Variants in SLC13A1 observed in about 807,000 individuals in gnomAD.
SLC13A1 encodes the protein solute carrier family 13 member 1.
In SLC13A1, 65 loss-of-function variants were observed where a neutral mutation model predicts 70.0. That is an observed-to-expected ratio of 0.93 (90% confidence interval 0.76 to 1.14). The LOEUF (loss-of-function observed/expected upper bound fraction) is 1.14. Among genes scored for constraint, SLC13A1 ranks in the 50% most tolerant of loss-of-function variants. SLC13A1 has a pLI of 0.00. For synonymous variants in SLC13A1, 275 were observed against 250.5 expected (o/e 1.10, Z -0.92); for missense variants, 726 against 717.8 (o/e 1.01, Z -0.13).
chr7:123,134,847 G>T (rs1793899165), intron 7 of SLC13A1, among the ~76,000 whole-genome samples: 1 of 152,262 alleles, frequency 6.6e-6, no homozygotes. Context: ...AAATGCACAA[G>T]AAATGGGTGT....
At chr7:123,123,098 G>T in intron 12 of SLC13A1, 28 bp downstream of exon 12, 1 of 1,458,420 alleles carries the variant, frequency 6.9e-7, no homozygotes, top group Non-Finnish European at 9.6e-7. Context: ...CTGGTTAATT[G>T]TTAAATATCT....
At chr7:123,142,133 T>A (rs1794176327) in intron 7 of SLC13A1, among the ~76,000 whole-genome samples, 1 of 152,138 alleles carries the variant, frequency 6.6e-6, no homozygotes, top group African/African-American at 2.4e-5. Flanking sequence ...GTACTGTGGC[T>A]CAGCTAGCAC....
At chr7:123,178,017 T>TTCTCTCTCTCTC (rs146835273) in intron 2 of SLC13A1, among the ~76,000 whole-genome samples, 103 of 149,028 alleles carry the variant, frequency 6.9e-4, no homozygotes, top group East Asian at 3.6e-3. Flanking sequence ...ATCTCTCTCT[T>TTCTCTCTCTCTC]TCTCTCTCTC....
chr7:123,121,639 T>C (rs539850070), intron 12 of SLC13A1, among the ~76,000 whole-genome samples: 4 of 152,112 alleles, frequency 2.6e-5, no homozygotes, highest in Non-Finnish European at 5.9e-5. Context: ...AGATATTCAC[T>C]GATAAGAATT....
At chr7:123,184,929 A>T (rs955518902) in intron 1 of SLC13A1, among the ~76,000 whole-genome samples, 1 of 152,024 alleles carries the variant, frequency 6.6e-6, no homozygotes, top group Admixed American at 6.6e-5. Context: ...ACTAAGTTAC[A>T]TTTCTGCAAA....
chr7:123,168,602 G>T, intron 4 of SLC13A1, 41 bp from the exon 5 acceptor site: 2 of 1,467,334 alleles, frequency 1.4e-6, no homozygotes, highest in Non-Finnish European at 9.5e-7. Context: ...TTAAATAAGG[G>T]ATTATCATTG....
intron 1 of SLC13A1, among the ~76,000 whole-genome samples, chr7:123,193,312 T>A (rs1248250913): frequency 2.0e-5 from 3 of 149,428 alleles, no homozygotes; most frequent in Non-Finnish European, 3.0e-5. Context: ...ATTTTATAAA[T>A]AAAAAAAAAA....
At chr7:123,162,231 T>G (rs183588573) in intron 6 of SLC13A1, among the ~76,000 whole-genome samples, 1 of 152,256 alleles carries the variant, frequency 6.6e-6, no homozygotes, top group East Asian at 1.9e-4. Context: ...AAGAACTAGA[T>G]TTTTGTATTT....
At chr7:123,174,929 T>C (rs944209440) in intron 2 of SLC13A1, among the ~76,000 whole-genome samples, 1 of 151,994 alleles carries the variant, frequency 6.6e-6, no homozygotes, top group South Asian at 2.1e-4. Context: ...AGATGTCAGT[T>C]CTTCTAAGAT....
rs1294757924 is a variant in SLC13A1, at chr7:123,129,372, GTT to G, written c.1031+9_1031+10del. The G allele has an allele frequency of 2.5e-6, 3 of 1,217,048 alleles. No individual in the cohort carries two copies. The highest frequency in any genetic ancestry group is 3.5e-6 in the Non-Finnish European group (3 of 869,024). The allele number at this position is 1,217,048 out of a possible 1,614,324, so 75.4% of individuals were successfully genotyped here. On this transcript the variant is annotated intron_variant, in intron 9 of 14. Coordinates refer to ENST00000194130, the MANE Select transcript of SLC13A1 (RefSeq NM_022444.4). The stretch of plus-strand genomic sequence containing the variant: ...TGTGTGTGTGTGTGTGTGTGTGTGT[GTT>G]TGTCTTACCTTATTGGCCCAAGCTT...
chr7:123,117,678 A>G, intron 13 of SLC13A1, 70 bp from the exon 14 acceptor site: 5 of 954,016 alleles, frequency 5.2e-6, no homozygotes, highest in Non-Finnish European at 7.7e-6. Flanking sequence ...AAAAAAAAAA[A>G]GTATTACAAT....
intron 10 of SLC13A1, among the ~76,000 whole-genome samples, chr7:123,127,430 T>G (rs1793598087): frequency 6.6e-6 from 1 of 152,114 alleles, no homozygotes. Flanking sequence ...TACGCACTGG[T>G]GTTTAGATAA....
chr7:123,152,992 T>C (rs1794603501), intron 6 of SLC13A1, among the ~76,000 whole-genome samples: 1 of 152,110 alleles, frequency 6.6e-6, no homozygotes, highest in South Asian at 2.1e-4. Context: ...TATTATTAAA[T>C]TGATAATAAG....
intron 11 of SLC13A1, among the ~76,000 whole-genome samples, chr7:123,124,620 ACTACT>A (rs1216254024): frequency 6.6e-6 from 1 of 152,128 alleles, no homozygotes; most frequent in Non-Finnish European, 1.5e-5. Flanking sequence ...TAGGAATCTG[ACTACT>A]CAAAACATGC....
chr7:123,121,324 C>A (rs1793374638), intron 12 of SLC13A1, among the ~76,000 whole-genome samples: 1 of 152,102 alleles, frequency 6.6e-6, no homozygotes, highest in African/African-American at 2.4e-5. Flanking sequence ...TTCCTGAGGT[C>A]TGCCAGTATG....
chr7:123,188,868 C>A (rs1253041800), intron 1 of SLC13A1, among the ~76,000 whole-genome samples: 1 of 151,896 alleles, frequency 6.6e-6, no homozygotes, highest in African/African-American at 2.4e-5. Flanking sequence ...GTAATCCCAG[C>A]ACTTTGGGAG....
Position 123,119,230 on chromosome 7 carries a change from A to G in SLC13A1, c.1363T>C (p.Ser455Pro), listed in dbSNP as rs1223420597. The G allele has an allele frequency of 1.2e-6, 2 of 1,603,814 alleles. No homozygotes were observed. Among genetic ancestry groups the G allele is most frequent in the Non-Finnish European group, 8.5e-7 (1 of 1,174,782 alleles). ...GATAATTTATTTCCTATCCACTTAGATAATCCAGACTCCTAAAAAACAAAT... is the reference window on the plus strand; with the variant it reads ...GATAATTTATTTCCTATCCACTTAGGTAATCCAGACTCCTAAAAAACAAAT... ...LADGCEESGLSKWIGNKLSPL... is the reference protein window; with the variant it reads ...LADGCEESGLPKWIGNKLSPL... The change falls in exon 13 of 15, where the codon TCT (serine) becomes CCT (proline). Residue 455 changes from serine to proline, a missense_variant. Physicochemically the swap from Ser to Pro is moderately conservative, Grantham distance 74. Transcript: ENST00000194130.
intron 1 of SLC13A1, among the ~76,000 whole-genome samples, chr7:123,195,620 C>T (rs1796152802): frequency 6.6e-6 from 1 of 151,986 alleles, no homozygotes; most frequent in South Asian, 2.1e-4. Context: ...CCATAAGTCT[C>T]TCATCATGTA....
intron 13 of SLC13A1, 77 bp from the exon 14 acceptor site, chr7:123,117,685 C>T (rs2116243607): frequency 2.4e-6 from 2 of 841,024 alleles, no homozygotes; most frequent in South Asian, 2.3e-5. Context: ...AAAAGTATTA[C>T]AATAAGCCTT....
Sources: gnomAD v4.1 joint callset for allele counts (sites outside exome capture counted in the v4.1 genomes callset) on GRCh38, gnomAD v4.1.1 for gene constraint, MANE v1.5 for transcripts, NCBI Gene and HGNC (gene_info 2026-07-23, HGNC 2026-07-21) for gene names.